Variants in NUFIP1 observed in about 807,000 individuals in gnomAD.
NUFIP1 encodes nuclear FMR1 interacting protein 1, also known as FMR1-interacting protein NUFIP1.
NUFIP1 carries 38 observed loss-of-function variants against 56.2 expected under a neutral mutation model. That is an observed-to-expected ratio of 0.68 (90% CI 0.52 to 0.89). The LOEUF is 0.89. NUFIP1 is among the 40% of genes least tolerant of loss of function. The pLI is 0.00. For missense variants in NUFIP1, 567 were observed against 605.8 expected (o/e 0.94, Z 0.67); for synonymous variants, 215 against 212.4 (o/e 1.01, Z -0.10).
chr13:44,978,729 A>G (rs1005118834), intron 5 of NUFIP1, among the ~76,000 whole-genome samples: 2 of 152,206 alleles, frequency 1.3e-5, no homozygotes, highest in Non-Finnish European at 2.9e-5. Context: ...GATGAAAACA[A>G]GAAGAACTAT....
chr13:44,965,456 G>T (rs750212565), intron 6 of NUFIP1, among the ~76,000 whole-genome samples: 1 of 152,154 alleles, frequency 6.6e-6, no homozygotes, highest in Non-Finnish European at 1.5e-5. Flanking sequence ...ATCACTTTGG[G>T]AGGCCAAGGT....
At chr13:44,981,586 G>A (rs1449363151) in intron 2 of NUFIP1, among the ~76,000 whole-genome samples, 2 of 152,060 alleles carry the variant, frequency 1.3e-5, no homozygotes. Context: ...GGAGGTGGGC[G>A]GGTCACTTGA....
At chr13:44,955,665 C>A (rs565893870) in intron 7 of NUFIP1, among the ~76,000 whole-genome samples, 82 of 152,206 alleles carry the variant, frequency 5.4e-4, no homozygotes, top group African/African-American at 2.0e-3. Flanking sequence ...TGGCTCTTGC[C>A]CAAGGTAAGA....
intron 5 of NUFIP1, among the ~76,000 whole-genome samples, chr13:44,966,400 A>T (rs1871603208): frequency 1.3e-5 from 2 of 151,918 alleles, no homozygotes; most frequent in African/African-American, 4.8e-5. Flanking sequence ...CTGCAACCTC[A>T]GCCTCCTGGG....
chr13:44,983,919 C>A (rs1337741052), intron 1 of NUFIP1, among the ~76,000 whole-genome samples: 4 of 152,174 alleles, frequency 2.6e-5, no homozygotes, highest in African/African-American at 7.2e-5. Context: ...TTGGACATAA[C>A]CTCAAGAACT....
rs751173187 is a variant in NUFIP1 at position 44,943,433 on chromosome 13, A to G, written c.1371+9T>C. ...CACAAAGATTAGAACCTAAAGAAAA[A>G]TAATTTACCATTTCCAAGAGATATG... On this transcript the variant is annotated intron_variant, in intron 9 of 9. Transcript: ENST00000379161. The G allele has an allele frequency of 1.4e-5, 22 of 1,608,434 alleles. No homozygotes were observed. Among genetic ancestry groups the G allele is most frequent in the Non-Finnish European group, 1.8e-5 (21 of 1,175,862 alleles).
At chr13:44,949,485 G>C (rs1391716133) in intron 8 of NUFIP1, among the ~76,000 whole-genome samples, 1 of 152,184 alleles carries the variant, frequency 6.6e-6, no homozygotes, top group African/African-American at 2.4e-5. Flanking sequence ...ACAGGCGTGA[G>C]CCACCGCGCC....
At chr13:44,948,800 C>T (rs1358805842) in intron 8 of NUFIP1, among the ~76,000 whole-genome samples, 4 of 152,186 alleles carry the variant, frequency 2.6e-5, no homozygotes, top group East Asian at 1.9e-4. Context: ...AAGCCTCACA[C>T]GTTACCATCC....
chr13:44,980,035 A>C, intron 3 of NUFIP1, 83 bp from the exon 4 acceptor site: 2 of 975,934 alleles, frequency 2.0e-6, no homozygotes, highest in Non-Finnish European at 3.1e-6. Context: ...ACACAGACAT[A>C]TTCTGGCTGT....
At chr13:44,976,123 T>A (rs1200931973) in intron 5 of NUFIP1, among the ~76,000 whole-genome samples, 2 of 147,182 alleles carry the variant, frequency 1.4e-5, no homozygotes, top group Non-Finnish European at 2.9e-5. Context: ...GGCTAAGTAG[T>A]AGGGGGAAAA....
chr13:44,981,035 T>G (rs1028246118), intron 2 of NUFIP1, among the ~76,000 whole-genome samples: 4 of 152,208 alleles, frequency 2.6e-5, no homozygotes, highest in Non-Finnish European at 4.4e-5. Flanking sequence ...CAGGCATAAT[T>G]TTAAACTTTT....
chr13:44,988,353 G>C (rs534559359), intron 1 of NUFIP1, among the ~76,000 whole-genome samples: 1 of 152,326 alleles, frequency 6.6e-6, no homozygotes, highest in South Asian at 2.1e-4. Context: ...TCGGGAGGCA[G>C]AGGTTGCAGT....
chr13:44,977,741 T>G (rs1462424530), intron 5 of NUFIP1, among the ~76,000 whole-genome samples: 1 of 152,204 alleles, frequency 6.6e-6, no homozygotes, highest in Non-Finnish European at 1.5e-5. Flanking sequence ...TGGTTGGACC[T>G]GACTTGTTTA....
At chr13:44,979,049 G>A (rs566545073) in intron 5 of NUFIP1, 141 bp downstream of exon 5, 11 of 584,174 alleles carry the variant, frequency 1.9e-5, no homozygotes, top group East Asian at 6.1e-5. Flanking sequence ...CTAAAACTAC[G>A]TTCAATAATA....
At position 44,979,285 on chromosome 13, in the gene NUFIP1, C is replaced by T. The variant is rs181206231; in HGVS notation, c.658-19G>A. On this transcript the variant is annotated intron_variant, in intron 4 of 9. Transcript: ENST00000379161. ...CATGCATCTAGGGGGAAAAAGCCTG[C>T]TGAACATCAGGAGGCAATATCATAT... 7.2e-4 allele frequency: 1,150 copies of T among 1,602,442 alleles called. 2 individuals are homozygous for T. Among genetic ancestry groups the T allele is most frequent in the Non-Finnish European group, 9.3e-4 (1,091 of 1,173,746 alleles).
intron 1 of NUFIP1, among the ~76,000 whole-genome samples, chr13:44,986,483 C>G (rs1228236375): frequency 6.6e-6 from 1 of 151,762 alleles, no homozygotes; most frequent in Non-Finnish European, 1.5e-5. Flanking sequence ...CGAGGTCAGG[C>G]GATCGAGACC....
chr13:44,943,132 T>C (rs1870799291), intron 9 of NUFIP1, among the ~76,000 whole-genome samples: 1 of 152,192 alleles, frequency 6.6e-6, no homozygotes, highest in Admixed American at 6.5e-5. Flanking sequence ...CAGCTTGCCA[T>C]TGTACTTTTA....
chr13:44,967,787 G>A (rs529258412), intron 5 of NUFIP1, among the ~76,000 whole-genome samples: 1 of 152,294 alleles, frequency 6.6e-6, no homozygotes, highest in East Asian at 1.9e-4. Flanking sequence ...GTGTGGAGAT[G>A]CAGACACCAA....
rs148513643 is a variant in NUFIP1 at position 44,983,925 on chromosome 13, G to A, written c.413-1771C>T. ...CCCTTGATCTTGGACATAACCTCAA[G>A]AACTATGAGCCAAATAAATTTCTGT... On this transcript the variant is annotated intron_variant, in intron 1 of 9. Transcript: ENST00000379161. Among the ~76,000 whole-genome samples, 330 of 152,232 alleles carry A rather than the reference G, an allele frequency of 2.2e-3. 1 individual carries two copies. Among genetic ancestry groups the A allele is most frequent in the African/African-American group, 7.6e-3 (315 of 41,544 alleles).
Sources: allele counts gnomAD v4.1 joint callset (sites outside exome capture counted in the v4.1 genomes callset), GRCh38; gene constraint gnomAD v4.1.1; transcripts MANE v1.5; gene names NCBI Gene and HGNC (gene_info 2026-07-23, HGNC 2026-07-21).